The following ABCB8 variants were observed in gnomAD, a reference collection of about 807,000 sequenced individuals.
The protein encoded by ABCB8 is mitochondrial potassium channel ATP-binding subunit.
A neutral mutation model predicts 73.0 loss-of-function variants in ABCB8; 52 were observed. That is an observed-to-expected ratio of 0.71 (90% CI 0.57 to 0.90). The LOEUF (loss-of-function observed/expected upper bound fraction) is 0.90, where lower values mean the gene tolerates loss of function less well. ABCB8 is among the 40% of genes least tolerant of loss of function. The pLI is 0.00. For synonymous variants in ABCB8, 428 were observed against 423.5 expected, an observed-to-expected ratio of 1.01 and a Z score of -0.13; for missense variants, 909 against 974.6, an observed-to-expected ratio of 0.93 and a Z score of 0.90.
rs1341972626 is a variant in ABCB8, at chr7:151,036,753, G to A, written c.1217+104G>A. On this transcript the variant is annotated intron_variant, in intron 9 of 15. Coordinates refer to ENST00000358849, the MANE Select transcript of ABCB8 (RefSeq NM_007188.5). ...CAGCCTTCTCTGGGGGCCGACTGCTGTGCAGCTCCAGGCCTGCCCAGCTTC... is the reference window on the plus strand; with the variant it reads ...CAGCCTTCTCTGGGGGCCGACTGCTATGCAGCTCCAGGCCTGCCCAGCTTC... 5 of 1,018,706 alleles carry A rather than the reference G, an allele frequency of 4.9e-6. No homozygotes were observed. The Admixed American group carries it at 7.5e-5, about 15-fold the overall frequency. The allele number at this position is 1,018,706 out of a possible 1,614,324, so 63.1% of individuals were successfully genotyped here. A position where few individuals can be genotyped will look rare whatever the true frequency, so the allele number is the denominator to read the frequency against.
intron 9 of ABCB8, 158 bp downstream of exon 9, chr7:151,036,807 A>G: frequency 1.3e-6 from 1 of 774,660 alleles, no homozygotes; most frequent in Non-Finnish European, 2.3e-6. Flanking sequence ...GGGGAGAGAG[A>G]GCCCCTCAGG....
At chr7:151,032,407 T>C (rs1429557345) in intron 1 of ABCB8, among the ~76,000 whole-genome samples, 1 of 152,184 alleles carries the variant, frequency 6.6e-6, no homozygotes, top group Middle Eastern at 3.2e-3. Flanking sequence ...TCAAAATGTG[T>C]AGAATAGGCC....
intron 15 of ABCB8, among the ~76,000 whole-genome samples, chr7:151,044,877 C>T (rs1490563755): frequency 2.0e-5 from 3 of 152,210 alleles, no homozygotes; most frequent in Non-Finnish European, 4.4e-5. Context: ...CCCCAGAGGC[C>T]GTGTGGCGTT....
chr7:151,030,165 A>G (rs1420312529), intron 1 of ABCB8, among the ~76,000 whole-genome samples: 1 of 152,278 alleles, frequency 6.6e-6, no homozygotes, highest in Non-Finnish European at 1.5e-5. Context: ...ATATGTGTTC[A>G]TTAGTCAGTA....
intron 1 of ABCB8, chr7:151,033,325 G>A (rs76866700): frequency 5.8e-6 from 6 of 1,033,670 alleles, no homozygotes; most frequent in African/African-American, 4.9e-5. Context: ...TCGAGGCTGC[G>A]AGGGCCCTGG....
At position 151,045,691 on chromosome 7, in the gene ABCB8, C is replaced by A; in HGVS notation, c.*342C>A. 4.2e-6 allele frequency: 1 copy of A among 238,260 alleles called. No individual in the cohort carries two copies. Among genetic ancestry groups the A allele is most frequent in the Non-Finnish European group, 8.0e-6 (1 of 124,434 alleles). The allele number at this position is 238,260 out of a possible 1,614,324, so 14.8% of individuals were successfully genotyped here. On this transcript the variant is annotated 3_prime_UTR_variant, in exon 16 of 16. Transcript: ENST00000358849. ...AGAGACGTTCTGGCCAGTCTCCCTG[C>A]CCCACCCAGCAGCTTCAAATTGGCC...
chr7:151,042,554 C>T (rs1156340424), intron 14 of ABCB8, among the ~76,000 whole-genome samples: 3 of 152,212 alleles, frequency 2.0e-5, no homozygotes, highest in African/African-American at 4.8e-5. Context: ...TCTCTAAAGT[C>T]GTTTCTCATT....
intron 1 of ABCB8, among the ~76,000 whole-genome samples, chr7:151,030,510 C>CAAATAAATAAATAAATAAATAAAT (rs59305252): frequency 1.3e-5 from 2 of 150,148 alleles, no homozygotes; most frequent in Non-Finnish European, 3.0e-5. Flanking sequence ...GACTCCGTCT[C>CAAATAAATAAATAAATAAATAAAT]AAATAAATAA....
intron 9 of ABCB8, chr7:151,036,927 T>G (rs1796326883): frequency 1.4e-6 from 1 of 722,886 alleles, no homozygotes; most frequent in South Asian, 1.5e-5. Flanking sequence ...TTTTAAAAAT[T>G]TGTTTCAACT....
intron 9 of ABCB8, chr7:151,038,890 A>G (rs1459851133): frequency 6.6e-6 from 1 of 152,164 alleles, no homozygotes; most frequent in Non-Finnish European, 1.5e-5. Context: ...TGTGTTTCCC[A>G]CAGGGTCCTG....
intron 9 of ABCB8, chr7:151,038,691 C>A (rs1796376612): frequency 6.6e-6 from 1 of 152,324 alleles, no homozygotes; most frequent in East Asian, 1.9e-4. Context: ...TCCCACCGTA[C>A]TGCTTGGCCA....
chr7:151,032,998 T>C (rs756814784), intron 1 of ABCB8: 19 of 456,530 alleles, frequency 4.2e-5, no homozygotes, highest in Admixed American at 1.6e-4. Context: ...TCGTCCCAGT[T>C]CTGCTGCCTG....
At position 151,045,486 on chromosome 7, in the gene ABCB8, A is replaced by C; in HGVS notation, c.*137A>C. ...CGCTGCGGCTGCTCCTGCTCACAAT[A>C]AAGCCGGGGCCGAGCAGCTGGCAGG... is the stretch of plus-strand genomic sequence containing the variant. On this transcript the variant is annotated 3_prime_UTR_variant, in exon 16 of 16. Coordinates refer to ENST00000358849, the MANE Select transcript of ABCB8 (RefSeq NM_007188.5). The C allele has an allele frequency of 1.7e-6, 2 of 1,153,596 alleles. No individual in the cohort carries two copies. Among genetic ancestry groups the C allele is most frequent in the Non-Finnish European group, 2.2e-6 (2 of 890,726 alleles). The allele number at this position is 1,153,596 out of a possible 1,614,324, so 71.5% of individuals were successfully genotyped here.
chr7:151,037,071 C>G, intron 9 of ABCB8: 1 of 694,776 alleles, frequency 1.4e-6, no homozygotes, highest in Non-Finnish European at 2.6e-6. Flanking sequence ...CCTGGCAGAG[C>G]GGAAACTATC....
At chr7:151,036,437 A>T in intron 8 of ABCB8, 107 bp from the exon 9 acceptor site, 1 of 1,077,234 alleles carries the variant, frequency 9.3e-7, no homozygotes, top group Non-Finnish European at 1.4e-6. Context: ...CAACGCTGGG[A>T]CCAGTCATGC....
intron 1 of ABCB8, chr7:151,031,159 A>G (rs1796150938): frequency 1.1e-6 from 1 of 908,526 alleles, no homozygotes; most frequent in Non-Finnish European, 1.7e-6. Flanking sequence ...CATGTGCTCA[A>G]CAAGCATAAA....
chr7:151,032,962 G>A (rs1372203593), intron 1 of ABCB8: 2 of 455,446 alleles, frequency 4.4e-6, no homozygotes, highest in Non-Finnish European at 8.8e-6. Flanking sequence ...GGGTGCTGGA[G>A]TCAGACTGCA....
At position 151,034,365 on chromosome 7, in the gene ABCB8, A is replaced by T. The variant is rs924563830; in HGVS notation, c.501A>T (p.Val167=). 1.2e-6 allele frequency: 2 copies of T among 1,613,974 alleles called. No homozygotes were observed. The highest frequency in any genetic ancestry group is 3.3e-5 in the Admixed American group (2 of 60,012). Residue 167 remains valine (V), a synonymous_variant, in exon 3 of 16, where the codon GTA becomes GTT. Transcript: ENST00000358849. ...TGGCCAAGTACACAAGGGACCACGT[A>T]GGGAGTTTCATGACTGAGTCCCAGA... ...EVVAKYTRDH[V]GSFMTESQNL...
intron 13 of ABCB8, 138 bp from the exon 14 acceptor site, chr7:151,041,823 C>T (rs1796474108): frequency 8.8e-7 from 1 of 1,133,310 alleles, no homozygotes; most frequent in East Asian, 2.5e-5. Flanking sequence ...TCACCTCTGA[C>T]TTTGAACGTC....
Sources: allele counts gnomAD v4.1 joint callset (sites outside exome capture counted in the v4.1 genomes callset), GRCh38; gene constraint gnomAD v4.1.1; transcripts MANE v1.5; gene names NCBI Gene and HGNC (gene_info 2026-07-23, HGNC 2026-07-21).